Variants in GDI2 observed in about 807,000 individuals in gnomAD.
GDI2 encodes GDP dissociation inhibitor 2.
A neutral mutation model predicts 54.2 loss-of-function variants in GDI2; 22 were observed. The observed-to-expected ratio is 0.41, with a 90% CI of 0.29 to 0.58. The LOEUF is 0.58. Among genes scored for constraint, GDI2 ranks in the 20% least tolerant of loss-of-function variants. GDI2 has a pLI of 0.35. For synonymous variants in GDI2, 177 were observed against 182.1 expected (o/e 0.97, Z 0.23); for missense variants, 422 against 546.0 (o/e 0.77, Z 2.26).
chr10:5,775,976 G>A, intron 6 of GDI2: 1 of 173,800 alleles, frequency 5.8e-6, no homozygotes, highest in South Asian at 1.2e-4. Context: ...CCCTGCGGCT[G>A]CATCGCGCTT....
At chr10:5,793,194 T>C (rs575592083) in intron 4 of GDI2, among the ~76,000 whole-genome samples, 7 of 152,022 alleles carry the variant, frequency 4.6e-5, no homozygotes, top group Non-Finnish European at 1.0e-4. Context: ...AGGGTCCTGC[T>C]ATGTTGCCCA....
chr10:5,768,053 T>C lies in GDI2; in HGVS notation c.991+160A>G, dbSNP rs1289020872. Among the ~76,000 whole-genome samples the C allele has an allele frequency of 6.6e-6, 1 of 151,450 alleles. No homozygotes were observed. The highest frequency in any genetic ancestry group is 1.9e-4 in the East Asian group (1 of 5,166). ...GTTGAATCTGTCCGCGTTGACACAA[T>C]GCTGCCGGAGCAGGAGGAGGTACAA... On this transcript the variant is annotated intron_variant, in intron 8 of 10. Transcript: ENST00000380191. This position sits in a 1 kb window ranked among gnomAD's most constrained non-coding sequence, Gnocchi z 4.4.
intron 6 of GDI2, among the ~76,000 whole-genome samples, chr10:5,777,962 AG>A (rs1321966515): frequency 6.6e-6 from 1 of 152,262 alleles, no homozygotes; most frequent in Non-Finnish European, 1.5e-5. Flanking sequence ...GCCATAAAAA[AG>A]GATGAGTTCA....
intron 1 of GDI2, chr10:5,811,904 C>T (rs1841485161): frequency 2.6e-6 from 3 of 1,150,374 alleles, no homozygotes; most frequent in African/African-American, 1.7e-5. Context: ...AATAAAAGTT[C>T]GAAGGTTTTC....
chr10:5,808,972 C>A (rs1054216073), intron 1 of GDI2, among the ~76,000 whole-genome samples: 1 of 152,044 alleles, frequency 6.6e-6, no homozygotes, highest in African/African-American at 2.4e-5. Context: ...CAGCCAGGCG[C>A]GGTGGCTCAT....
intron 1 of GDI2, among the ~76,000 whole-genome samples, chr10:5,810,486 A>G (rs1224488704): frequency 6.6e-6 from 1 of 152,256 alleles, no homozygotes; most frequent in African/African-American, 2.4e-5. Context: ...ACAGTAAAGT[A>G]AGATAGAGGG....
At chr10:5,769,573 A>T (rs936388725) in intron 7 of GDI2, among the ~76,000 whole-genome samples, 4 of 148,160 alleles carry the variant, frequency 2.7e-5, no homozygotes, top group African/African-American at 2.5e-5. Context: ...CCGTCTCAAA[A>T]GAAAAAAAAA....
chr10:5,783,731 T>C (rs191411503), intron 6 of GDI2, among the ~76,000 whole-genome samples: 11 of 152,224 alleles, frequency 7.2e-5, no homozygotes, highest in Admixed American at 3.3e-4. Flanking sequence ...GGATACAAAA[T>C]TACTGGCTGA....
intron 3 of GDI2, among the ~76,000 whole-genome samples, chr10:5,795,402 C>T (rs1486948079): frequency 2.6e-5 from 4 of 152,050 alleles, no homozygotes; most frequent in South Asian, 2.1e-4. Context: ...ATTATAGGCA[C>T]GAGGCACCGC....
At chr10:5,785,401 G>A in intron 5 of GDI2, 128 bp from the exon 6 acceptor site, 2 of 682,206 alleles carry the variant, frequency 2.9e-6, no homozygotes. Context: ...TTGAGACAGG[G>A]TCTCACTCTG....
chr10:5,777,387 C>T (rs1165567300), intron 6 of GDI2, among the ~76,000 whole-genome samples: 1 of 152,138 alleles, frequency 6.6e-6, no homozygotes. Context: ...GTGAGAGAAT[C>T]GCTTGAACCC....
chr10:5,770,271 A>G (rs779588652), intron 7 of GDI2, among the ~76,000 whole-genome samples: 1 of 152,226 alleles, frequency 6.6e-6, no homozygotes, highest in Non-Finnish European at 1.5e-5. Context: ...AGAAGAGGAA[A>G]AGTGAGTGTG....
chr10:5,789,757 G>A (rs974370090), intron 4 of GDI2, among the ~76,000 whole-genome samples: 7 of 152,086 alleles, frequency 4.6e-5, no homozygotes, highest in African/African-American at 1.7e-4. Flanking sequence ...ACAAAACTTA[G>A]GCACACAAAC....
chr10:5,766,034 T>C lies in GDI2; in HGVS notation c.1310A>G (p.Lys437Arg). The change falls in exon 11 of 11, where the codon AAG becomes AGG. Residue 437 changes from lysine (K) to arginine (R), a missense_variant. Transcript: ENST00000380191. The surrounding 1 kb of genome is among the most constrained non-coding windows in gnomAD (Gnocchi z 5.8). ...GTCTTCCCCATAGATGTCATTCTTC[T>C]TGCGCTTCATTTCCTCAAAGTCAAA... is the stretch of plus-strand genomic sequence containing the variant. ...SEFDFEEMKR[K>R]KNDIYGED is the part of the protein sequence containing the mutation. The C allele has an allele frequency of 1.3e-6, 2 of 1,588,736 alleles. No individual in the cohort carries two copies. The highest frequency in any genetic ancestry group is 4.5e-5 in the East Asian group (2 of 44,806).
chr10:5,808,014 T>A (rs2131723045), intron 1 of GDI2, among the ~76,000 whole-genome samples: 1 of 152,310 alleles, frequency 6.6e-6, no homozygotes, highest in South Asian at 2.1e-4. Context: ...TTATTAATAT[T>A]TTGATATACC....
Position 5,776,619 on chromosome 10 carries a change from T to C in GDI2, c.720-2678A>G. 6.6e-7 allele frequency: 1 copy of C among 1,506,946 alleles called. No individual in the cohort carries two copies. The highest frequency in any genetic ancestry group is 9.2e-7 in the Non-Finnish European group (1 of 1,086,072). 93.3% of individuals were successfully genotyped at this position (1,506,946 alleles called of 1,614,324 possible). ...CAACTCAAGGCTGAAAAGGGCAGACTTCTAAATGGTCCAATAGAAAAGGAG... is the reference window on the plus strand; with the variant it reads ...CAACTCAAGGCTGAAAAGGGCAGACCTCTAAATGGTCCAATAGAAAAGGAG... On this transcript the variant is annotated intron_variant, in intron 6 of 10. Transcript: ENST00000380191. This position sits in a 1 kb window ranked among gnomAD's most constrained non-coding sequence, Gnocchi z 5.3.
chr10:5,792,341 T>C (rs945058283), intron 4 of GDI2, among the ~76,000 whole-genome samples: 1 of 152,192 alleles, frequency 6.6e-6, no homozygotes, highest in African/African-American at 2.4e-5. Context: ...TATGTAAAGT[T>C]AGATAATACA....
rs778246115 is a variant in GDI2, at chr10:5,766,017, C to T, written c.1327G>A (p.Gly443Arg). ...EMKRKKNDIY[G>R]ED ...AACATGTACTGCTGTTAGTCTTCCC[C>T]ATAGATGTCATTCTTCTTGCGCTTC... is the stretch of plus-strand genomic sequence containing the variant. The change falls in exon 11 of 11, where the codon GGG becomes AGG. Residue 443 changes from glycine (G) to arginine (R), a missense_variant. By Grantham distance (125) the Gly-to-Arg change is moderately radical. Coordinates refer to ENST00000380191, the MANE Select transcript of GDI2 (RefSeq NM_001494.4). The surrounding 1 kb of genome is among the most constrained non-coding windows in gnomAD (Gnocchi z 5.8). The T allele has an allele frequency of 3.8e-6, 6 of 1,583,000 alleles. No homozygotes were observed. The African/African-American group carries it at 8.3e-5, about 22-fold the overall frequency.
chr10:5,791,078 G>C (rs927473599), intron 4 of GDI2, among the ~76,000 whole-genome samples: 2 of 152,138 alleles, frequency 1.3e-5, no homozygotes, highest in Non-Finnish European at 2.9e-5. Context: ...AACTGCTTGA[G>C]TCCGGGAGTT....
Sources: allele counts gnomAD v4.1 joint callset (sites outside exome capture counted in the v4.1 genomes callset), GRCh38; gene constraint gnomAD v4.1.1; non-coding constraint Gnocchi (gnomAD v3.1); transcripts MANE v1.5; gene names NCBI Gene and HGNC (gene_info 2026-07-23, HGNC 2026-07-21).